DPPA4: variants seen among roughly 807,000 people sequenced by gnomAD.
DPPA4 encodes the protein developmental pluripotency-associated protein 4.
In DPPA4, 22 loss-of-function variants were observed where a neutral mutation model predicts 33.7. The observed-to-expected ratio is 0.65, with a 90% CI of 0.47 to 0.93. The LOEUF is 0.93. Among genes scored for constraint, DPPA4 ranks in the 40% least tolerant of loss-of-function variants. The pLI, the probability that DPPA4 is intolerant of heterozygous loss-of-function variation, is 0.00. For missense variants in DPPA4, 340 were observed against 358.6 expected, an observed-to-expected ratio of 0.95 and a Z score of 0.42; for synonymous variants, 156 against 132.3, an observed-to-expected ratio of 1.18 and a Z score of -1.23.
At chr3:109,332,220 G>T (rs973944686) in intron 2 of DPPA4, 189 bp from the exon 3 acceptor site, 3 of 420,102 alleles carry the variant, frequency 7.1e-6, no homozygotes, top group African/African-American at 2.0e-5. Flanking sequence ...TCCTGCCTCA[G>T]CCTCCTGAGT....
intron 4 of DPPA4, 28 bp downstream of exon 4, chr3:109,331,706 T>C (rs368568568): frequency 6.2e-6 from 10 of 1,611,828 alleles, no homozygotes; most frequent in East Asian, 2.2e-5. Flanking sequence ...AGGATAAGCA[T>C]TGAAACGTCC....
rs376379782 is a variant in DPPA4 at position 109,328,897 on chromosome 3, C to G, written c.871G>C (p.Val291Leu). Residue 291 changes from valine to leucine, a missense_variant, in exon 6 of 7, where the codon GTT (valine) becomes CTT (leucine). Coordinates refer to ENST00000335658, the MANE Select transcript of DPPA4 (RefSeq NM_018189.4). ...LEDNMLCPKC[V>L]HRNKVLIKSL... ...AAAGCATCAGGTAATTACCTGTGAACACATTTGGGGCACAACATATTGTCT... is the reference window on the plus strand; with the variant it reads ...AAAGCATCAGGTAATTACCTGTGAAGACATTTGGGGCACAACATATTGTCT... 51 of 1,613,192 alleles carry G rather than the reference C, an allele frequency of 3.2e-5. No individual in the cohort carries two copies. Among genetic ancestry groups the G allele is most frequent in the Non-Finnish European group, 4.0e-5 (47 of 1,179,582 alleles).
Position 109,329,041 on chromosome 3 carries a change from C to T in DPPA4, c.727G>A (p.Asp243Asn). ...VHGKSLPADT[D>N]GWVHLQFHAG... ...TGAAACTGCAGGTGAACCCAACCAT[C>T]TGTGTCTGCAGGGAGACTTTTCCCA... Residue 243 changes from aspartate (D) to asparagine (N), a missense_variant, in exon 6 of 7, where the codon GAT becomes AAT. Around this residue, in one of 3 missense-constraint regions of DPPA4, gnomAD observed 212 missense variants for 206.5 expected, o/e 1.03. Transcript: ENST00000335658. The T allele has an allele frequency of 6.2e-7, 1 of 1,614,106 alleles. No individual in the cohort carries two copies. The highest frequency in any genetic ancestry group is 8.5e-7 in the Non-Finnish European group (1 of 1,180,028).
At chr3:109,331,543 C>CAAAAAAAAA (rs62827961) in intron 4 of DPPA4, among the ~76,000 whole-genome samples, 191 bp downstream of exon 4, 5 of 71,458 alleles carry the variant, frequency 7.0e-5, no homozygotes, top group African/African-American at 1.7e-4. Context: ...GACTCTGTCT[C>CAAAAAAAAA]AAAAAAAAAA....
rs762777999 is a variant in DPPA4, at chr3:109,330,459, G to T, written c.679+65C>A. 5 of 1,577,172 alleles carry T rather than the reference G, an allele frequency of 3.2e-6. No individual in the cohort carries two copies. In the African/African-American group the frequency reaches 5.4e-5, roughly 17 times the overall value. On this transcript the variant is annotated intron_variant, in intron 5 of 6. Coordinates refer to ENST00000335658, the MANE Select transcript of DPPA4 (RefSeq NM_018189.4). ...TTTTGATATACCCTAAAATGTACCA[G>T]TGATTAATATCTACTAAGCTTATTT...
At chr3:109,332,301 C>G (rs1708100188) in intron 2 of DPPA4, 1 of 228,640 alleles carries the variant, frequency 4.4e-6, no homozygotes, top group Non-Finnish European at 8.7e-6. Flanking sequence ...TGGGGTTTCA[C>G]CATGTTGGCC....
intron 1 of DPPA4, among the ~76,000 whole-genome samples, chr3:109,335,150 T>TA (rs1708165390): frequency 6.6e-6 from 1 of 152,208 alleles, no homozygotes; most frequent in African/African-American, 2.4e-5. Flanking sequence ...TTTCATTTTT[T>TA]TAAAAAATAT....
At position 109,330,608 on chromosome 3, in the gene DPPA4, G is replaced by T. The variant is rs1161300745; in HGVS notation, c.595C>A (p.Pro199Thr). 1 of 1,614,128 alleles carries T rather than the reference G, an allele frequency of 6.2e-7. No homozygotes were observed. Among genetic ancestry groups the T allele is most frequent in the Admixed American group, 1.7e-5 (1 of 60,012 alleles). ...VNTVVVTTSAPEALLASWARI... is the reference protein window; with the variant it reads ...VNTVVVTTSATEALLASWARI... ...GCCCAGGAGGCCAGCAAAGCCTCTG[G>T]GGCAGAAGTTGTCACCACAACTGTA... The change falls in exon 5 of 7, where the codon CCA becomes ACA. Residue 199 changes from proline (P) to threonine (T), a missense_variant. Physicochemically the swap from Pro to Thr is conservative, Grantham distance 38. Coordinates refer to ENST00000335658, the MANE Select transcript of DPPA4 (RefSeq NM_018189.4).
At chr3:109,329,351 C>T in intron 5 of DPPA4, 3 of 341,538 alleles carry the variant, frequency 8.8e-6, no homozygotes, top group South Asian at 4.4e-5. Context: ...CTGGCTAACA[C>T]AGTGAAACCC....
In DPPA4 at chr3:109,330,757, A is replaced by G. The variant is rs1394955591; in HGVS notation, c.446T>C (p.Leu149Ser). The G allele has an allele frequency of 6.2e-7, 1 of 1,613,564 alleles. No individual in the cohort carries two copies. Among genetic ancestry groups the G allele is most frequent in the East Asian group, 2.2e-5 (1 of 44,872 alleles). Residue 149 changes from leucine to serine, a missense_variant, in exon 5 of 7, where the codon TTA (leucine) becomes TCA (serine). This residue lies in a region of DPPA4 where 212 missense variants were observed against 206.5 expected (regional missense o/e 1.03). Coordinates refer to ENST00000335658, the MANE Select transcript of DPPA4 (RefSeq NM_018189.4). ...AKIRKSLQKK[L>S]KVEKGETSLQ... Reference sequence around the variant, plus strand: ...GGACGTTTCCCCCTTTTCCACCTTTAATTTTTTTTGCAATGATTTCCGGAT... The same window carrying G: ...GGACGTTTCCCCCTTTTCCACCTTTGATTTTTTTTGCAATGATTTCCGGAT...
chr3:109,331,422 T>C (rs1399093401), intron 4 of DPPA4, among the ~76,000 whole-genome samples: 1 of 150,586 alleles, frequency 6.6e-6, no homozygotes, highest in Non-Finnish European at 1.5e-5. Flanking sequence ...CAGGCGCCTG[T>C]AATCCGAGCT....
In DPPA4 at chr3:109,333,883, G is replaced by A; in HGVS notation, c.165C>T (p.Ile55=). The A allele has an allele frequency of 6.2e-7, 1 of 1,614,042 alleles. No individual in the cohort carries two copies. The highest frequency in any genetic ancestry group is 1.6e-4 in the Middle Eastern group (1 of 6,062). Residue 55 remains isoleucine (I), a synonymous_variant, in exon 2 of 7, where the codon ATC becomes ATT. Transcript: ENST00000335658. ...AAGACCTCTTACCTTTACTGCCTTT[G>A]ATAGACATTTTTTCTTTGGTTCTCT... ...SAKRTKEKMS[I]KGSKVLCPKK...
At chr3:109,328,747 C>CT (rs1180455959) in intron 6 of DPPA4, 143 bp downstream of exon 6, 2 of 764,474 alleles carry the variant, frequency 2.6e-6, no homozygotes, top group Admixed American at 3.0e-5. Context: ...ATAAACTTAA[C>CT]TGAGTAATAA....
At position 109,332,046 on chromosome 3, in the gene DPPA4, A is replaced by T; in HGVS notation, c.179-15T>A. The T allele has an allele frequency of 3.2e-6, 5 of 1,574,022 alleles. No individual in the cohort carries two copies. Among genetic ancestry groups the T allele is most frequent in the Non-Finnish European group, 4.3e-6 (5 of 1,157,780 alleles). On this transcript the variant is annotated splice_polypyrimidine_tract_variant and intron_variant, in intron 2 of 6. Coordinates refer to ENST00000335658, the MANE Select transcript of DPPA4 (RefSeq NM_018189.4). ...AGGGCAGAGCACTGAAGCAGAATGG[A>T]ATCAAATGAGTAGTAATTATCTTTG...
rs555970678 is a variant in DPPA4 at position 109,328,885 on chromosome 3, A to AT, written c.878+4dup. 10 of 1,611,292 alleles carry AT rather than the reference A, an allele frequency of 6.2e-6. No homozygotes were observed. The highest frequency in any genetic ancestry group is 8.5e-6 in the Non-Finnish European group (10 of 1,178,120). On this transcript the variant is annotated splice_donor_region_variant and intron_variant, in intron 6 of 6. Coordinates refer to ENST00000335658, the MANE Select transcript of DPPA4 (RefSeq NM_018189.4). ...TTAGTTTGTAGAAAAGCATCAGGTAATTACCTGTGAACACATTTGGGGCAC... is the reference window on the plus strand; with the variant it reads ...TTAGTTTGTAGAAAAGCATCAGGTAATTTACCTGTGAACACATTTGGGGCAC...
chr3:109,331,588 A>T, intron 4 of DPPA4, 146 bp downstream of exon 4: 1 of 584,896 alleles, frequency 1.7e-6, no homozygotes, highest in Non-Finnish European at 3.0e-6. Flanking sequence ...AAGAAAAAAA[A>T]GAGAAGTAGA....
chr3:109,337,432 A>G, intron 1 of DPPA4, 32 bp downstream of exon 1: 1 of 1,606,900 alleles, frequency 6.2e-7, no homozygotes, highest in Non-Finnish European at 8.5e-7. Flanking sequence ...ACAAAGACAG[A>G]CAGAAAACAA....
At chr3:109,337,591 T>TA, upstream of DPPA4, 1 of 1,326,320 alleles carries the variant, frequency 7.5e-7, no homozygotes, top group Non-Finnish European at 1.1e-6. Context: ...CCGAAGACCC[T>TA]TTTTCTCTCC....
At chr3:109,331,082 A>T (rs1333222906) in intron 4 of DPPA4, among the ~76,000 whole-genome samples, 1 of 150,110 alleles carries the variant, frequency 6.7e-6, no homozygotes, top group Non-Finnish European at 1.5e-5. Context: ...GTTCGAGACC[A>T]GCCTGGCCAA....
Sources: gnomAD v4.1 joint callset for allele counts (sites outside exome capture counted in the v4.1 genomes callset) on GRCh38, gnomAD v4.1.1 for gene constraint, gnomAD v4.1.1 regional missense constraint, MANE v1.5 for transcripts, NCBI Gene and HGNC (gene_info 2026-07-23, HGNC 2026-07-21) for gene names.